The following GRIA3 variants were observed in gnomAD, a reference collection of about 807,000 sequenced individuals.
GRIA3 encodes glutamate ionotropic receptor AMPA type subunit 3.
In GRIA3, 3 loss-of-function variants were observed where a neutral mutation model predicts 63.0. The ratio of observed to expected loss-of-function variants is 0.05; its 90% CI spans 0.02 to 0.12. GRIA3 has a LOEUF of 0.12. Among genes scored for constraint, GRIA3 ranks in the 10% least tolerant of loss-of-function variants. GRIA3 has a pLI of 1.00. For synonymous variants in GRIA3, 274 were observed against 257.9 expected (o/e 1.06, Z -0.60); for missense variants, 347 against 700.9 (o/e 0.50, Z 5.70).
intron 12 of GRIA3, among the ~76,000 whole-genome samples, chrX:123,445,770 T>C (rs1460557075): frequency 8.9e-6 from 1 of 112,327 alleles, no homozygotes; most frequent in Non-Finnish European, 1.9e-5. Flanking sequence ...TTAGTGCATT[T>C]AGTGCATTTG....
intron 12 of GRIA3, among the ~76,000 whole-genome samples, chrX:123,462,437 T>A (rs1329539845): frequency 8.9e-6 from 1 of 111,993 alleles, no homozygotes; most frequent in Non-Finnish European, 1.9e-5. Context: ...CTTCCTTTGC[T>A]ATAATTTGTG....
intron 3 of GRIA3, among the ~76,000 whole-genome samples, chrX:123,317,582 A>G (rs747418807): frequency 8.9e-6 from 1 of 112,185 alleles, no homozygotes; most frequent in Admixed American, 9.4e-5. Flanking sequence ...CCAACAGGGT[A>G]GTCAAATTTT....
chrX:123,375,528 G>T (rs950043191), intron 5 of GRIA3, among the ~76,000 whole-genome samples: 1 of 111,907 alleles, frequency 8.9e-6, no homozygotes, highest in Non-Finnish European at 1.9e-5. Context: ...AAATGAGCAG[G>T]ATAAGAGGCA....
chrX:123,210,263 T>C (rs1010476150), intron 2 of GRIA3, among the ~76,000 whole-genome samples: 5 of 108,232 alleles, frequency 4.6e-5, no homozygotes, highest in Admixed American at 2.0e-4. Flanking sequence ...CTATCCCACA[T>C]TCTGTTCCTA....
chrX:123,365,178 A>C (rs897228403), intron 5 of GRIA3, among the ~76,000 whole-genome samples: 1 of 112,086 alleles, frequency 8.9e-6, no homozygotes, highest in African/African-American at 3.2e-5. Context: ...ATCATTTCAC[A>C]TTGTATATGT....
At chrX:123,455,203 C>A (rs1218863357) in intron 12 of GRIA3, among the ~76,000 whole-genome samples, 2 of 111,803 alleles carry the variant, frequency 1.8e-5, no homozygotes, top group Middle Eastern at 4.2e-3. Flanking sequence ...ACCAGAATTT[C>A]TTTCCCTTCC....
At chrX:123,289,836 C>T (rs1221778162) in intron 3 of GRIA3, among the ~76,000 whole-genome samples, 1 of 110,903 alleles carries the variant, frequency 9.0e-6, no homozygotes, top group East Asian at 2.8e-4. Flanking sequence ...AAAGTACCCA[C>T]CCTAGTCCCT....
intron 12 of GRIA3, among the ~76,000 whole-genome samples, chrX:123,440,561 T>C (rs1185305745): frequency 8.9e-6 from 1 of 112,892 alleles, no homozygotes; most frequent in East Asian, 2.8e-4. Context: ...TGTTGAGCTT[T>C]CTTTCATATG....
In GRIA3 at chrX:123,432,517, G is replaced by C. The variant is rs768745193; in HGVS notation, c.2076+4378G>C. Among the ~76,000 whole-genome samples, 4 of 111,902 alleles carry C rather than the reference G, an allele frequency of 3.6e-5. No individual in the cohort carries two copies. The South Asian group carries it at 1.1e-3, about 31-fold the overall frequency. The stretch of plus-strand genomic sequence containing the variant: ...TATTCTCACCTGACTGGATGGCCCA[G>C]CCAGGTCATGTATAACCTGTGATAT... On this transcript the variant is annotated intron_variant, in intron 12 of 15. Coordinates refer to ENST00000620443, the MANE Select transcript of GRIA3 (RefSeq NM_007325.5).
At chrX:123,187,559 G>A (rs1241065971) in intron 2 of GRIA3, among the ~76,000 whole-genome samples, 1 of 112,127 alleles carries the variant, frequency 8.9e-6, no homozygotes, top group Non-Finnish European at 1.9e-5. Context: ...TCAAGAGGCT[G>A]AATCTCAAAT....
intron 2 of GRIA3, among the ~76,000 whole-genome samples, chrX:123,209,222 C>T (rs1015401930): frequency 3.6e-5 from 4 of 111,886 alleles, no homozygotes; most frequent in African/African-American, 1.3e-4. Context: ...GTCTCAACCT[C>T]CCTGAATCTA....
rs550535236 is a variant in GRIA3, at chrX:123,253,610, G to A, written c.508+68G>A. 221 of 924,992 alleles carry A rather than the reference G, an allele frequency of 2.4e-4. 3 individuals are homozygous for A. The South Asian group carries it at 4.1e-3, about 17-fold the overall frequency. The allele number at this position is 924,992 out of a possible 1,213,427, so 76.2% of individuals were successfully genotyped here. On this transcript the variant is annotated intron_variant, in intron 3 of 15. Coordinates refer to ENST00000620443, the MANE Select transcript of GRIA3 (RefSeq NM_007325.5). ...TTGTGTTCAAACTTCCTCAGCTTAT[G>A]TGCCCTTTGCTTCCAATAAATAAAA...
chrX:123,273,295 G>C (rs2044534513), intron 3 of GRIA3, among the ~76,000 whole-genome samples: 1 of 111,850 alleles, frequency 8.9e-6, no homozygotes, highest in African/African-American at 3.3e-5. Context: ...CTCTCAGGAA[G>C]ACATGCATTT....
chrX:123,252,142 T>C (rs1362652640), intron 2 of GRIA3, among the ~76,000 whole-genome samples: 2 of 111,982 alleles, frequency 1.8e-5, no homozygotes, highest in Admixed American at 9.4e-5. Flanking sequence ...CCCATCAAAA[T>C]TTACCCATCT....
intron 12 of GRIA3, among the ~76,000 whole-genome samples, chrX:123,457,354 C>G (rs762470736): frequency 1.8e-5 from 2 of 111,787 alleles, no homozygotes; most frequent in South Asian, 7.6e-4. Flanking sequence ...CTGAGGGAGG[C>G]AGACAGTGAA....
At chrX:123,316,930 T>C (rs1009285835) in intron 3 of GRIA3, among the ~76,000 whole-genome samples, 3 of 111,851 alleles carry the variant, frequency 2.7e-5, no homozygotes, top group Non-Finnish European at 5.6e-5. Flanking sequence ...AGTTGCCTAC[T>C]GTATTAGTTC....
rs1454205490 is a variant in GRIA3, at chrX:123,232,863, T to C, written c.269-20440T>C. Among the ~76,000 whole-genome samples, 3 of 111,388 alleles carry C rather than the reference T, an allele frequency of 2.7e-5. No individual in the cohort carries two copies. The East Asian group carries it at 8.5e-4, about 31-fold the overall frequency. On this transcript the variant is annotated intron_variant, in intron 2 of 15. Coordinates refer to ENST00000620443, the MANE Select transcript of GRIA3 (RefSeq NM_007325.5). ...CATGACAGTCCTTTGGCATGGGTTC[T>C]ATTCTTGGCATTTTGCAGGTGAGAA...
At chrX:123,347,666 T>C (rs1384743371) in intron 4 of GRIA3, among the ~76,000 whole-genome samples, 2 of 111,756 alleles carry the variant, frequency 1.8e-5, no homozygotes, top group Non-Finnish European at 3.8e-5. Context: ...TCTAATACAA[T>C]ATCCTACCAG....
chrX:123,295,517 G>T (rs2044680424), intron 3 of GRIA3, among the ~76,000 whole-genome samples: 1 of 111,144 alleles, frequency 9.0e-6, no homozygotes, highest in Non-Finnish European at 1.9e-5. Context: ...GCATGGAGGG[G>T]TTCTTTATGT....
Sources: gnomAD v4.1 joint callset for allele counts (sites outside exome capture counted in the v4.1 genomes callset) on GRCh38, gnomAD v4.1.1 for gene constraint, MANE v1.5 for transcripts, NCBI Gene and HGNC (gene_info 2026-07-23, HGNC 2026-07-21) for gene names.